CAMKMT: variants seen among roughly 807,000 people sequenced by gnomAD.
The protein encoded by CAMKMT is CaM KMT.
A neutral mutation model predicts 48.0 loss-of-function variants in CAMKMT; 53 were observed. That is an observed-to-expected ratio of 1.10 (90% CI 0.89 to 1.39). CAMKMT has a LOEUF of 1.39. Among genes scored for constraint, CAMKMT ranks in the 40% most tolerant of loss-of-function variants. The pLI, the probability that CAMKMT is intolerant of heterozygous loss-of-function variation, is 0.00. For synonymous variants in CAMKMT, 165 were observed against 152.3 expected (o/e 1.08, Z -0.61); for missense variants, 428 against 402.7 (o/e 1.06, Z -0.54).
chr2:44,569,272 C>A (rs1353099460), intron 3 of CAMKMT, among the ~76,000 whole-genome samples: 1 of 152,086 alleles, frequency 6.6e-6, no homozygotes, highest in East Asian at 1.9e-4. Context: ...TGCAATATTT[C>A]TGCTTACATG....
chr2:44,490,362 G>C (rs549321071), intron 3 of CAMKMT, among the ~76,000 whole-genome samples: 1 of 152,042 alleles, frequency 6.6e-6, no homozygotes, highest in African/African-American at 2.4e-5. Context: ...CACAACCTCC[G>C]CCTCCCGGGT....
At chr2:44,512,476 T>G (rs1670616348) in intron 3 of CAMKMT, among the ~76,000 whole-genome samples, 1 of 152,260 alleles carries the variant, frequency 6.6e-6, no homozygotes, top group Non-Finnish European at 1.5e-5. Context: ...TACTTTCATT[T>G]ATCTCATTTT....
intron 3 of CAMKMT, among the ~76,000 whole-genome samples, chr2:44,607,800 A>G (rs1671368507): frequency 6.6e-6 from 1 of 152,146 alleles, no homozygotes; most frequent in African/African-American, 2.4e-5. Flanking sequence ...TCCAAGTTAT[A>G]GTGTTATATA....
At chr2:44,576,066 C>T (rs1398672235) in intron 3 of CAMKMT, among the ~76,000 whole-genome samples, 2 of 151,936 alleles carry the variant, frequency 1.3e-5, no homozygotes, top group African/African-American at 2.4e-5. Context: ...GTGGCTCACG[C>T]CTGCAATCCC....
chr2:44,622,498 C>T (rs1015523854), intron 3 of CAMKMT, among the ~76,000 whole-genome samples: 2 of 152,182 alleles, frequency 1.3e-5, no homozygotes, highest in African/African-American at 4.8e-5. Context: ...CATCTTCCTT[C>T]CCTCCTTCCT....
chr2:44,447,454 T>C (rs774378742), intron 3 of CAMKMT, among the ~76,000 whole-genome samples: 3 of 152,206 alleles, frequency 2.0e-5, no homozygotes, highest in African/African-American at 4.8e-5. Flanking sequence ...TGTGAATGTA[T>C]CAGTCATAGT....
chr2:44,696,523 A>C (rs943282356), intron 3 of CAMKMT, among the ~76,000 whole-genome samples: 5 of 152,222 alleles, frequency 3.3e-5, no homozygotes, highest in African/African-American at 4.8e-5. Context: ...CTCTACTCCA[A>C]CAAAAAACTG....
intron 3 of CAMKMT, among the ~76,000 whole-genome samples, chr2:44,594,533 A>T (rs1302321101): frequency 6.6e-6 from 1 of 152,220 alleles, no homozygotes; most frequent in Non-Finnish European, 1.5e-5. Context: ...CTGATCTTTG[A>T]CAAACCTGAC....
At position 44,381,983 on chromosome 2, in the gene CAMKMT, C is replaced by T. The variant is rs1361259347; in HGVS notation, c.312-8258C>T. Among the ~76,000 whole-genome samples, 4 of 149,032 alleles carry T rather than the reference C, an allele frequency of 2.7e-5. No individual in the cohort carries two copies. In the East Asian group the frequency reaches 5.9e-4, roughly 22 times the overall value. On this transcript the variant is annotated intron_variant, in intron 2 of 10. Coordinates refer to ENST00000378494, the MANE Select transcript of CAMKMT (RefSeq NM_024766.5). ...TGAGATGGAGTTTCGCTCTTGTCAC[C>T]CAGGCTGGAATGCAATGGCACGATC...
chr2:44,567,892 A>G (rs1668700415), intron 3 of CAMKMT, among the ~76,000 whole-genome samples: 1 of 152,208 alleles, frequency 6.6e-6, no homozygotes, highest in African/African-American at 2.4e-5. Flanking sequence ...GCAGTTATTT[A>G]TCGAGTGCTT....
chr2:44,494,565 C>G (rs925792266), intron 3 of CAMKMT, among the ~76,000 whole-genome samples: 3 of 152,128 alleles, frequency 2.0e-5, no homozygotes, highest in African/African-American at 7.2e-5. Context: ...GAAACATTTT[C>G]AGTGCTAACA....
intron 3 of CAMKMT, among the ~76,000 whole-genome samples, chr2:44,691,915 C>T (rs1676676832): frequency 6.6e-6 from 1 of 152,196 alleles, no homozygotes; most frequent in African/African-American, 2.4e-5. Context: ...GACATTCTCT[C>T]CTACTCAGAT....
chr2:44,592,771 C>A (rs1366591956), intron 3 of CAMKMT, among the ~76,000 whole-genome samples: 1 of 151,994 alleles, frequency 6.6e-6, no homozygotes, highest in Non-Finnish European at 1.5e-5. Context: ...GACTACTGTA[C>A]TTTGTGATCA....
At chr2:44,455,237 TAG>T (rs1181603591) in intron 3 of CAMKMT, among the ~76,000 whole-genome samples, 1 of 150,832 alleles carries the variant, frequency 6.6e-6, no homozygotes, top group Non-Finnish European at 1.5e-5. Context: ...GGACGAAGCC[TAG>T]AGATAGATTT....
At chr2:44,751,596 C>G (rs550901337) in intron 8 of CAMKMT, among the ~76,000 whole-genome samples, 2 of 152,310 alleles carry the variant, frequency 1.3e-5, no homozygotes, top group Admixed American at 1.3e-4. Flanking sequence ...ACGTGTGTGT[C>G]TCTGCCATTT....
At chr2:44,567,124 T>A (rs1430568462) in intron 3 of CAMKMT, among the ~76,000 whole-genome samples, 2 of 152,136 alleles carry the variant, frequency 1.3e-5, no homozygotes, top group Non-Finnish European at 2.9e-5. Flanking sequence ...GAGTGTCAGA[T>A]CTGGCATTCT....
intron 3 of CAMKMT, among the ~76,000 whole-genome samples, chr2:44,678,393 C>T (rs141155172): frequency 6.6e-6 from 1 of 152,284 alleles, no homozygotes; most frequent in Non-Finnish European, 1.5e-5. Context: ...GCTGCTGAGC[C>T]TACCTGAGAT....
At chr2:44,544,820 GACTTTAA>G (rs1667309109) in intron 3 of CAMKMT, among the ~76,000 whole-genome samples, 1 of 152,068 alleles carries the variant, frequency 6.6e-6, no homozygotes. Context: ...GGAAAATTTA[GACTTTAA>G]GACTAAAGAA....
chr2:44,401,858 C>T (rs1067325), intron 3 of CAMKMT, among the ~76,000 whole-genome samples: 113,823 of 152,062 alleles, frequency 0.75, 43,686 homozygotes, highest in African/African-American at 0.88. Context: ...GACATCTTCC[C>T]TCACTATCAT....
Sources: gnomAD v4.1 joint callset for allele counts (sites outside exome capture counted in the v4.1 genomes callset) on GRCh38, gnomAD v4.1.1 for gene constraint, MANE v1.5 for transcripts, NCBI Gene and HGNC (gene_info 2026-07-23, HGNC 2026-07-21) for gene names.